The following GAB3 variants were observed in gnomAD, a reference collection of about 807,000 sequenced individuals.
The protein encoded by GAB3 is GRB2 associated binding protein 3, also known as GRB2-associated-binding protein 3.
Under a neutral mutation model 40.4 loss-of-function variants are expected in GAB3, and 12 were observed. That is an observed-to-expected ratio of 0.30 (90% confidence interval 0.19 to 0.48). GAB3 has a LOEUF of 0.48. GAB3 is among the 20% of genes least tolerant of loss of function. GAB3 has a pLI of 0.99. For missense variants in GAB3, 381 were observed against 461.9 expected (o/e 0.82, Z 1.61); for synonymous variants, 154 against 176.7 (o/e 0.87, Z 1.02).
intron 4 of GAB3, among the ~76,000 whole-genome samples, chrX:154,709,898 C>T (rs2070898030): frequency 9.0e-6 from 1 of 111,377 alleles, no homozygotes; most frequent in African/African-American, 3.3e-5. Context: ...AAAAGTCAAA[C>T]TCATGGCAAT....
At chrX:154,745,818 G>A (rs1436094653) in intron 1 of GAB3, among the ~76,000 whole-genome samples, 2 of 111,204 alleles carry the variant, frequency 1.8e-5, no homozygotes, top group South Asian at 7.5e-4. Flanking sequence ...TTGGGAGGCC[G>A]AAGCGGGTGG....
chrX:154,720,437 T>C (rs1557258468), intron 1 of GAB3, among the ~76,000 whole-genome samples: 2 of 110,609 alleles, frequency 1.8e-5, no homozygotes, highest in Non-Finnish European at 1.9e-5. Flanking sequence ...CCATCCTGGC[T>C]AACACAGTGA....
chrX:154,691,392 C>T (rs1445944363), intron 8 of GAB3, among the ~76,000 whole-genome samples: 3 of 107,497 alleles, frequency 2.8e-5, no homozygotes, highest in Non-Finnish European at 5.8e-5. Context: ...ACATTGTGCA[C>T]ATGTACCCTA....
In GAB3 at chrX:154,695,938, G is replaced by A. The variant is rs782473076; in HGVS notation, c.1509C>T (p.Asp503=). 9 of 1,176,273 alleles carry A rather than the reference G, an allele frequency of 7.7e-6. No individual in the cohort carries two copies. The highest frequency in any genetic ancestry group is 9.2e-6 in the Non-Finnish European group (8 of 866,096). ...TTACCATTTCGATGTAGCTTTCTTC[G>A]TCTTCTCTGGAAACAGGATTAGCAA... is the stretch of plus-strand genomic sequence containing the variant. The part of the protein sequence containing the change: ...RFFANPVSRE[D]EESYIEMEEH... Residue 503 remains aspartate, a synonymous_variant, in exon 8 of 10, where the codon GAC becomes GAT. Coordinates refer to ENST00000424127, the MANE Select transcript of GAB3 (RefSeq NM_001081573.3).
At position 154,712,239 on chromosome X, in the gene GAB3, T is replaced by G; in HGVS notation, c.1059A>C (p.Arg353Ser). The G allele has an allele frequency of 3.4e-6, 4 of 1,183,019 alleles. No homozygotes were observed. The highest frequency in any genetic ancestry group is 4.6e-6 in the Non-Finnish European group (4 of 877,695). Residue 353 changes from arginine (R) to serine (S), a missense_variant, in exon 4 of 10, where the codon AGA (arginine) becomes AGC (serine). Arg to Ser is a moderately radical substitution (Grantham distance 110). Around this residue, in one of 2 missense-constraint regions of GAB3, gnomAD observed 364 missense variants for 421.0 expected, o/e 0.86. Coordinates refer to ENST00000424127, the MANE Select transcript of GAB3 (RefSeq NM_001081573.3). Reference protein sequence around the residue: ...RISLSGLDNMRTWKADVEGQS... With the variant: ...RISLSGLDNMSTWKADVEGQS... ...GGACCCAACACTTACCTTTCCAGGT[T>G]CTCATGTTGTCTAAACCAGAGAGGG...
intron 4 of GAB3, among the ~76,000 whole-genome samples, chrX:154,700,374 T>C (rs1368309821): frequency 9.0e-6 from 1 of 111,046 alleles, no homozygotes; most frequent in Non-Finnish European, 1.9e-5. Flanking sequence ...AAATATTCCT[T>C]GTAACGAGCA....
chrX:154,711,398 AG>A (rs1285982356), intron 4 of GAB3, among the ~76,000 whole-genome samples: 8 of 111,891 alleles, frequency 7.1e-5, no homozygotes, highest in African/African-American at 2.6e-4. Flanking sequence ...TCAGCAAAGC[AG>A]TAAAGAAGAG....
rs2070296939 is a variant in GAB3, at chrX:154,676,349, T to G, written c.*1829A>C. ...CGAGGGAACTACCCTCCATGGGAAC[T>G]AGCAGTTTGAAGCCCTGGTTTCTTG... On this transcript the variant is annotated 3_prime_UTR_variant, in exon 10 of 10. Transcript: ENST00000424127. 1 of 111,495 alleles carries G rather than the reference T, an allele frequency of 9.0e-6. No individual in the cohort carries two copies. The highest frequency in any genetic ancestry group is 1.9e-5 in the Non-Finnish European group (1 of 53,076). The allele number at this position is 111,495 out of a possible 1,213,427, so 9.2% of individuals were successfully genotyped here. A position where few individuals can be genotyped will look rare whatever the true frequency, so the allele number is the denominator to read the frequency against.
At chrX:154,709,565 GC>G (rs1218224871) in intron 4 of GAB3, among the ~76,000 whole-genome samples, 2 of 108,565 alleles carry the variant, frequency 1.8e-5, no homozygotes, top group African/African-American at 6.7e-5. Context: ...TGATCTGCCC[GC>G]CCCCGCCTCC....
At position 154,734,605 on chromosome X, in the gene GAB3, A is replaced by G. The variant is rs1319442335; in HGVS notation, c.72+16349T>C. On this transcript the variant is annotated intron_variant, in intron 1 of 9. Transcript: ENST00000424127. Reference sequence around the variant, plus strand: ...TGTTTTCAGGCACTGGGCACAACCCACAAGGGAAGGAACCCCGACTTTGAT... The same window carrying G: ...TGTTTTCAGGCACTGGGCACAACCCGCAAGGGAAGGAACCCCGACTTTGAT... Among the ~76,000 whole-genome samples the G allele has an allele frequency of 1.8e-5, 2 of 112,344 alleles. 1 individual carries two copies. Among genetic ancestry groups the G allele is most frequent in the Non-Finnish European group, 3.8e-5 (2 of 53,267 alleles).
intron 1 of GAB3, among the ~76,000 whole-genome samples, chrX:154,716,719 A>G (rs2071051878): frequency 1.8e-5 from 2 of 112,528 alleles, no homozygotes; most frequent in African/African-American, 3.2e-5. Context: ...AATATCATAC[A>G]TTAAAATCAG....
intron 1 of GAB3, among the ~76,000 whole-genome samples, chrX:154,732,013 C>T (rs964365237): frequency 3.6e-5 from 4 of 111,679 alleles, no homozygotes; most frequent in African/African-American, 1.3e-4. Context: ...TCGTCTGCTT[C>T]GGTCTGGTTC....
chrX:154,706,972 T>A (rs2148444187), intron 4 of GAB3, among the ~76,000 whole-genome samples: 1 of 107,213 alleles, frequency 9.3e-6, no homozygotes, highest in Admixed American at 1.0e-4. Flanking sequence ...TCAAACTACG[T>A]CAATTCAAAA....
chrX:154,679,048 TTGGGAGGCTGAGA>T, intron 9 of GAB3: 1 of 298,420 alleles, frequency 3.4e-6, no homozygotes, highest in Non-Finnish European at 6.5e-6. Flanking sequence ...TACCAGCTAC[TTGGGAGGCTGAGA>T]TGGGAGGATA....
chrX:154,689,366 T>C (rs1205104047), intron 8 of GAB3, among the ~76,000 whole-genome samples: 3 of 111,491 alleles, frequency 2.7e-5, no homozygotes, highest in Non-Finnish European at 5.7e-5. Context: ...AAGACAGGGA[T>C]GCCCTCTCTC....
chrX:154,750,781 C>A (rs1253993378), intron 1 of GAB3, among the ~76,000 whole-genome samples, 173 bp downstream of exon 1: 1 of 111,841 alleles, frequency 8.9e-6, no homozygotes, highest in Non-Finnish European at 1.9e-5. Context: ...AGCACAGCGG[C>A]GAAGCTGGCT....
At chrX:154,698,764 G>A (rs2070698721) in intron 6 of GAB3, among the ~76,000 whole-genome samples, 1 of 112,153 alleles carries the variant, frequency 8.9e-6, no homozygotes, top group Non-Finnish European at 1.9e-5. Context: ...CGTGCACAGA[G>A]GAGTCAGCCT....
At chrX:154,687,985 C>T (rs185286034) in intron 8 of GAB3, among the ~76,000 whole-genome samples, 4 of 111,930 alleles carry the variant, frequency 3.6e-5, no homozygotes, top group African/African-American at 1.3e-4. Flanking sequence ...ATGTCAGCTT[C>T]GACTTCACCT....
At chrX:154,679,121 C>T (rs1444797838) in intron 9 of GAB3, 15 of 333,501 alleles carry the variant, frequency 4.5e-5, no homozygotes, top group Admixed American at 3.1e-4. Context: ...CATGCCACTG[C>T]ACTCCAGCCT....
Sources: gnomAD v4.1 joint callset for allele counts (sites outside exome capture counted in the v4.1 genomes callset) on GRCh38, gnomAD v4.1.1 for gene constraint, gnomAD v4.1.1 regional missense constraint, MANE v1.5 for transcripts, NCBI Gene and HGNC (gene_info 2026-07-23, HGNC 2026-07-21) for gene names.